The following DENND1A variants were observed in gnomAD, a reference collection of about 807,000 sequenced individuals.
DENND1A encodes the protein DENN domain-containing protein 1A.
DENND1A carries 51 observed loss-of-function variants against 113.7 expected under a neutral mutation model. The ratio of observed to expected loss-of-function variants is 0.45; its 90% confidence interval spans 0.36 to 0.57. The LOEUF is 0.57. Ranked by LOEUF, DENND1A falls within the 20% of genes least tolerant of loss-of-function variation. The probability of loss-of-function intolerance (pLI) is 0.00; values close to 1 mark genes in which losing one functional copy is unlikely to be tolerated. For missense variants in DENND1A, 1,258 were observed against 1,395.9 expected, an observed-to-expected ratio of 0.90 and a Z score of 1.57; for synonymous variants, 565 against 570.8, an observed-to-expected ratio of 0.99 and a Z score of 0.14.
chr9:123,907,719 A>G (rs986722788), intron 1 of DENND1A, among the ~76,000 whole-genome samples: 3 of 149,404 alleles, frequency 2.0e-5, no homozygotes, highest in Non-Finnish European at 4.5e-5. Context: ...ATGGAAGAAC[A>G]TTCCATGCTC....
intron 2 of DENND1A, among the ~76,000 whole-genome samples, chr9:123,833,724 T>C (rs898361919): frequency 8.0e-5 from 12 of 150,690 alleles, no homozygotes; most frequent in African/African-American, 3.0e-4. Context: ...TTTCAGACTT[T>C]AGAAAGATCT....
intron 12 of DENND1A, 101 bp from the exon 13 acceptor site, chr9:123,557,796 G>A: frequency 2.2e-6 from 3 of 1,391,958 alleles, no homozygotes; most frequent in Non-Finnish European, 2.9e-6. Context: ...CCTACGGATG[G>A]CAGGATCCAT....
chr9:123,793,992 G>A (rs1462510795), intron 2 of DENND1A, among the ~76,000 whole-genome samples: 1 of 152,180 alleles, frequency 6.6e-6, no homozygotes, highest in Non-Finnish European at 1.5e-5. Flanking sequence ...CTACTGGGAA[G>A]GAATCAATGA....
chr9:123,516,687 A>T (rs1195039892), intron 13 of DENND1A, among the ~76,000 whole-genome samples: 1 of 151,976 alleles, frequency 6.6e-6, no homozygotes, highest in Non-Finnish European at 1.5e-5. Flanking sequence ...GGAGATCGAG[A>T]CTATCCTGGC....
At position 123,575,263 on chromosome 9, in the gene DENND1A, G is replaced by T. The variant is rs937936960; in HGVS notation, c.867+7906C>A. ...ACAACCTACATCCCTTGCATACAAA[G>T]TTCACAACAGGGTTCATGGTCCTTT... On this transcript the variant is annotated intron_variant, in intron 12 of 23. Transcript: ENST00000394215. Among the ~76,000 whole-genome samples, 11 of 152,266 alleles carry T rather than the reference G, an allele frequency of 7.2e-5. No individual in the cohort carries two copies. In the East Asian group the frequency reaches 1.7e-3, roughly 24 times the overall value.
intron 11 of DENND1A, among the ~76,000 whole-genome samples, chr9:123,605,823 G>T (rs1564804582): frequency 6.6e-6 from 1 of 152,190 alleles, no homozygotes; most frequent in Non-Finnish European, 1.5e-5. Flanking sequence ...TGGTTAAAAA[G>T]TCTTCCTATG....
intron 2 of DENND1A, among the ~76,000 whole-genome samples, chr9:123,825,373 A>AT (rs375665004): frequency 6.6e-6 from 1 of 151,762 alleles, no homozygotes; most frequent in Non-Finnish European, 1.5e-5. Flanking sequence ...TGCCTCTGAG[A>AT]TTTTTTTTCT....
At chr9:123,822,469 G>A (rs1838641663) in intron 2 of DENND1A, among the ~76,000 whole-genome samples, 1 of 152,222 alleles carries the variant, frequency 6.6e-6, no homozygotes, top group African/African-American at 2.4e-5. Flanking sequence ...AGTAATCACA[G>A]GAGCTTTTGT....
At chr9:123,491,548 T>C (rs2051378247) in intron 13 of DENND1A, among the ~76,000 whole-genome samples, 1 of 152,210 alleles carries the variant, frequency 6.6e-6, no homozygotes, top group Non-Finnish European at 1.5e-5. Context: ...AGTATAATGT[T>C]AGCTTGCTGG....
intron 2 of DENND1A, among the ~76,000 whole-genome samples, chr9:123,823,622 C>T (rs1376661145): frequency 2.6e-5 from 4 of 152,138 alleles, no homozygotes; most frequent in Non-Finnish European, 5.9e-5. Flanking sequence ...GTCTTCCAAA[C>T]ATAACTCTAG....
intron 11 of DENND1A, among the ~76,000 whole-genome samples, chr9:123,587,882 C>T (rs527923570): frequency 1.4e-4 from 21 of 152,320 alleles, no homozygotes; most frequent in African/African-American, 3.1e-4. Context: ...CTAATCCGAT[C>T]GCTCAGACAT....
intron 5 of DENND1A, among the ~76,000 whole-genome samples, chr9:123,708,027 CAG>C (rs980810732): frequency 2.6e-5 from 4 of 152,038 alleles, no homozygotes; most frequent in Admixed American, 2.6e-4. Flanking sequence ...CCCATGATAA[CAG>C]GGGAGAAGGT....
chr9:123,446,118 A>G (rs899337682), intron 18 of DENND1A, among the ~76,000 whole-genome samples: 2 of 152,272 alleles, frequency 1.3e-5, no homozygotes, highest in Admixed American at 1.3e-4. Flanking sequence ...CAAACACCAC[A>G]TCTCCATGTG....
chr9:123,570,365 GGA>G (rs1476778747), intron 12 of DENND1A, among the ~76,000 whole-genome samples: 3 of 152,196 alleles, frequency 2.0e-5, no homozygotes, highest in Non-Finnish European at 2.9e-5. Context: ...AGATGAGGTA[GGA>G]GAGATGGGCA....
At chr9:123,662,773 T>G (rs141878423) in intron 8 of DENND1A, among the ~76,000 whole-genome samples, 16 of 152,346 alleles carry the variant, frequency 1.1e-4, no homozygotes, top group Admixed American at 2.0e-4. Context: ...GTATGCTCAT[T>G]AAAATGTAAA....
At position 123,552,037 on chromosome 9, in the gene DENND1A, G is replaced by C. The variant is rs77962976; in HGVS notation, c.993+5533C>G. Among the ~76,000 whole-genome samples, 662 of 95,040 alleles carry C rather than the reference G, an allele frequency of 7.0e-3. 5 individuals carry two copies. Among genetic ancestry groups the C allele is most frequent in the African/African-American group, 0.017 (317 of 18,276 alleles). The allele number at this position is 95,040 out of a possible 152,430, so 62.3% of individuals were successfully genotyped here. Reference sequence around the variant, plus strand: ...CGAGAGCGAGAGAGAGAGAGAGAGAGACAGAGAGAGAGAGAGAGAGAGAGA... The same window carrying C: ...CGAGAGCGAGAGAGAGAGAGAGAGACACAGAGAGAGAGAGAGAGAGAGAGA... On this transcript the variant is annotated intron_variant, in intron 13 of 23. Transcript: ENST00000394215.
intron 13 of DENND1A, among the ~76,000 whole-genome samples, chr9:123,516,248 G>C (rs957411576): frequency 1.3e-5 from 2 of 152,028 alleles, no homozygotes; most frequent in Non-Finnish European, 2.9e-5. Flanking sequence ...TACATGGGGG[G>C]TGTGTACTCT....
chr9:123,537,281 A>G (rs1425333738), intron 13 of DENND1A, among the ~76,000 whole-genome samples: 5 of 152,092 alleles, frequency 3.3e-5, no homozygotes, highest in African/African-American at 1.2e-4. Context: ...AGAATAAAGG[A>G]ATATAAGAAC....
At chr9:123,464,221 A>G (rs1247955755) in intron 13 of DENND1A, among the ~76,000 whole-genome samples, 5 of 152,250 alleles carry the variant, frequency 3.3e-5, no homozygotes, top group Admixed American at 3.3e-4. Context: ...TGGTACAAAC[A>G]GTAATAACTA....
Sources: gnomAD v4.1 joint callset for allele counts (sites outside exome capture counted in the v4.1 genomes callset) on GRCh38, gnomAD v4.1.1 for gene constraint, MANE v1.5 for transcripts, NCBI Gene and HGNC (gene_info 2026-07-23, HGNC 2026-07-21) for gene names.